The following RHCE variants were observed in gnomAD, a reference collection of about 807,000 sequenced individuals.
The protein encoded by RHCE is blood group Rh(CE) polypeptide.
In RHCE, 22 loss-of-function variants were observed where a neutral mutation model predicts 43.8. The observed-to-expected ratio is 0.50, with a 90% CI of 0.36 to 0.72. The LOEUF (loss-of-function observed/expected upper bound fraction) is 0.72, where lower values mean the gene tolerates loss of function less well. RHCE is among the 30% of genes least tolerant of loss of function. The pLI, the probability that RHCE is intolerant of heterozygous loss-of-function variation, is 0.00. For synonymous variants in RHCE, 156 were observed against 210.7 expected (o/e 0.74, Z 2.25); for missense variants, 385 against 525.4 (o/e 0.73, Z 2.61).
At chr1:25,383,967 G>C (rs1243590349) in intron 7 of RHCE, among the ~76,000 whole-genome samples, 7 of 152,148 alleles carry the variant, frequency 4.6e-5, no homozygotes, top group South Asian at 4.1e-4. Context: ...ACCACTGATT[G>C]GCTTTTTCTT....
Position 25,389,029 on chromosome 1 carries a change from C to T in RHCE, c.886G>A (p.Val296Met), listed in dbSNP as rs765959908. The T allele has an allele frequency of 6.2e-7, 1 of 1,614,228 alleles. No homozygotes were observed. The highest frequency in any genetic ancestry group is 8.5e-7 in the Non-Finnish European group (1 of 1,180,042). Residue 296 changes from valine to methionine, a missense_variant, in exon 6 of 10, where the codon GTG (valine) becomes ATG (methionine). Physicochemically the swap from Val to Met is conservative, Grantham distance 21. This residue lies in a region of RHCE where 56 missense variants were observed against 90.0 expected (regional missense o/e 0.62). Transcript: ENST00000294413. The part of the protein sequence containing the change: ...HLIPSPWLAM[V>M]LGLVAGLISI... ...ATCAGCCCAGCCACAAGACCCAGCACCATGGCAAGCCACGGAGAAGGGATC... is the reference window on the plus strand; with the variant it reads ...ATCAGCCCAGCCACAAGACCCAGCATCATGGCAAGCCACGGAGAAGGGATC...
At chr1:25,414,610 T>C (rs1647234941) in intron 1 of RHCE, among the ~76,000 whole-genome samples, 1 of 152,150 alleles carries the variant, frequency 6.6e-6, no homozygotes, top group African/African-American at 2.4e-5. Context: ...TGTCTTCTAG[T>C]AGCCCCTCTC....
At chr1:25,385,873 T>C in intron 6 of RHCE, 29 bp from the exon 7 acceptor site, 1 of 1,613,994 alleles carries the variant, frequency 6.2e-7, no homozygotes, top group Non-Finnish European at 8.5e-7. Context: ...ATAAGCAGAT[T>C]GGCAGGTGAG....
chr1:25,401,230 C>T (rs1646730049), intron 3 of RHCE, among the ~76,000 whole-genome samples: 1 of 152,130 alleles, frequency 6.6e-6, no homozygotes, highest in Non-Finnish European at 1.5e-5. Context: ...CAATTACTCC[C>T]TCAAAACCCT....
rs757669054 is a variant in RHCE at position 25,381,457 on chromosome 1, CT to C, written c.1073+4253del. On this transcript the variant is annotated intron_variant, in intron 7 of 9. Coordinates refer to ENST00000294413, the MANE Select transcript of RHCE (RefSeq NM_020485.8). The stretch of plus-strand genomic sequence containing the variant: ...TTAATGCTCCATTCTTTTTCTTTTT[CT>C]TTTTTTTTTTTTTTTGAGTTGGAGT... Among the ~76,000 whole-genome samples the C allele has an allele frequency of 9.8e-3, 1,309 of 134,216 alleles. 7 individuals carry two copies. The highest frequency in any genetic ancestry group is 0.071 in the Middle Eastern group (19 of 268). The allele number at this position is 134,216 out of a possible 152,430, so 88.1% of individuals were successfully genotyped here.
chr1:25,395,764 G>A (rs1395552621), intron 3 of RHCE, among the ~76,000 whole-genome samples: 3 of 152,214 alleles, frequency 2.0e-5, no homozygotes, highest in Non-Finnish European at 4.4e-5. Flanking sequence ...ACAGAGAAGC[G>A]AAAGCTTTTC....
intron 1 of RHCE, among the ~76,000 whole-genome samples, chr1:25,414,035 A>G (rs889639177): frequency 1.3e-5 from 2 of 152,088 alleles, no homozygotes; most frequent in Non-Finnish European, 2.9e-5. Flanking sequence ...GAGGATTGCC[A>G]TGAGCATTGA....
chr1:25,370,624 A>C, intron 8 of RHCE, 84 bp from the exon 9 acceptor site: 1 of 1,205,562 alleles, frequency 8.3e-7, no homozygotes, highest in Non-Finnish European at 1.2e-6. Context: ...TGTGTGTGTC[A>C]AAACGACAGT....
rs571938140 is a variant in RHCE, at chr1:25,385,939, T to G, written c.940-95A>C. 1,515 of 1,584,806 alleles carry G rather than the reference T, an allele frequency of 9.6e-4. 22 individuals carry two copies. In the South Asian group the frequency reaches 0.016, roughly 17 times the overall value. On this transcript the variant is annotated intron_variant, in intron 6 of 9. Coordinates refer to ENST00000294413, the MANE Select transcript of RHCE (RefSeq NM_020485.8). ...ACCCTTGGTATCCGGCGCCACCAAA[T>G]GGGGATGGGCACTAAGGCTCACCTC... is the stretch of plus-strand genomic sequence containing the variant.
chr1:25,373,110 A>C (rs1001688560), intron 8 of RHCE, among the ~76,000 whole-genome samples: 1 of 151,630 alleles, frequency 6.6e-6, no homozygotes, highest in Non-Finnish European at 1.5e-5. Context: ...TTTAATCACC[A>C]GTTTGCTCAT....
chr1:25,405,587 G>C lies in RHCE; in HGVS notation c.336-2841C>G, dbSNP rs544484438. Among the ~76,000 whole-genome samples the C allele has an allele frequency of 4.8e-4, 72 of 149,198 alleles. 2 individuals carry two copies. The highest frequency in any genetic ancestry group is 1.5e-3 in the African/African-American group (62 of 41,338). On this transcript the variant is annotated intron_variant, in intron 2 of 9. Transcript: ENST00000294413. The stretch of plus-strand genomic sequence containing the variant: ...GAGGATCACTTGAGCCCAGGAGGCA[G>C]AGGCTGCAGTGAGCTATGATTGTAC...
chr1:25,392,351 T>TCCCAGGTTCACGCGATTCTCCTGC (rs1646399122), intron 3 of RHCE, among the ~76,000 whole-genome samples: 1 of 152,122 alleles, frequency 6.6e-6, no homozygotes, highest in Non-Finnish European at 1.5e-5. Flanking sequence ...AACATTTGCC[T>TCCCAGGTTCACGCGATTCTCCTGC]CCCAGGTTCA....
At chr1:25,382,575 C>T (rs1158986664) in intron 7 of RHCE, among the ~76,000 whole-genome samples, 1 of 151,594 alleles carries the variant, frequency 6.6e-6, no homozygotes, top group Non-Finnish European at 1.5e-5. Context: ...AAATCCATCA[C>T]CATGATAACA....
chr1:25,414,046 G>C, intron 1 of RHCE, among the ~76,000 whole-genome samples: 1 of 152,088 alleles, frequency 6.6e-6, no homozygotes, highest in East Asian at 1.9e-4. Context: ...TGAGCATTGA[G>C]CTCGCTGGCT....
chr1:25,420,865 G>A (rs1468614350), upstream of RHCE: 3 of 1,559,208 alleles, frequency 1.9e-6, no homozygotes, highest in Non-Finnish European at 2.6e-6. Context: ...AGGGCTTGAG[G>A]GAGCGATAGG....
chr1:25,429,919 G>A (rs958928654), intron 1 of RHCE: 6 of 152,124 alleles, frequency 3.9e-5, no homozygotes, highest in African/African-American at 1.4e-4. Context: ...AGGAGTAAAT[G>A]AGCAAATACA....
chr1:25,396,538 T>C (rs1377278518), intron 3 of RHCE, among the ~76,000 whole-genome samples: 1 of 152,194 alleles, frequency 6.6e-6, no homozygotes, highest in Non-Finnish European at 1.5e-5. Flanking sequence ...CAGTTTGGCA[T>C]GGCCGGAGAG....
chr1:25,391,369 T>C (rs1357394957), intron 4 of RHCE, among the ~76,000 whole-genome samples: 1 of 151,980 alleles, frequency 6.6e-6, no homozygotes, highest in Non-Finnish European at 1.5e-5. Context: ...GTATTTTTAG[T>C]AGAGATGGGG....
At position 25,378,570 on chromosome 1, in the gene RHCE, C is replaced by G. The variant is rs74969527; in HGVS notation, c.1074-3142G>C. Reference sequence around the variant, plus strand: ...TGGCCAAAGTTGTTTATCTCGTTTTCTTGCAAGTCAGCTTTCTCAGGCATG... The same window carrying G: ...TGGCCAAAGTTGTTTATCTCGTTTTGTTGCAAGTCAGCTTTCTCAGGCATG... On this transcript the variant is annotated intron_variant, in intron 7 of 9. Transcript: ENST00000294413. Among the ~76,000 whole-genome samples, 8 of 152,314 alleles carry G rather than the reference C, an allele frequency of 5.3e-5. No homozygotes were observed. In the East Asian group the frequency reaches 1.5e-3, roughly 29 times the overall value.
Sources: allele counts gnomAD v4.1 joint callset (sites outside exome capture counted in the v4.1 genomes callset), GRCh38; gene constraint gnomAD v4.1.1; regional missense constraint gnomAD v4.1.1; transcripts MANE v1.5; gene names NCBI Gene and HGNC (gene_info 2026-07-23, HGNC 2026-07-21).